The following GFOD1 variants were observed in gnomAD, a reference collection of about 807,000 sequenced individuals.
GFOD1 encodes glucose-fructose oxidoreductase domain-containing protein 1.
GFOD1 carries 9 observed loss-of-function variants against 25.4 expected under a neutral mutation model. The ratio of observed to expected loss-of-function variants is 0.35; its 90% confidence interval spans 0.21 to 0.62. The LOEUF is 0.62. GFOD1 is among the 20% of genes least tolerant of loss of function. The pLI is 0.72. For synonymous variants in GFOD1, 253 were observed against 245.6 expected, an observed-to-expected ratio of 1.03 and a Z score of -0.28; for missense variants, 403 against 556.9, an observed-to-expected ratio of 0.72 and a Z score of 2.78.
At chr6:13,459,601 C>T (rs1439096766) in intron 1 of GFOD1, among the ~76,000 whole-genome samples, 1 of 152,108 alleles carries the variant, frequency 6.6e-6, no homozygotes, top group Non-Finnish European at 1.5e-5. Flanking sequence ...TTTTTGCAAT[C>T]TACCCATCTG....
chr6:13,465,317 ACAG>A (rs1191899846), intron 1 of GFOD1, among the ~76,000 whole-genome samples: 2 of 152,194 alleles, frequency 1.3e-5, no homozygotes, highest in East Asian at 3.8e-4. Flanking sequence ...CATGCATCCC[ACAG>A]GCAGGGGTTG....
intron 1 of GFOD1, among the ~76,000 whole-genome samples, chr6:13,450,508 G>A (rs527371679): frequency 1.3e-5 from 2 of 152,276 alleles, no homozygotes; most frequent in South Asian, 4.1e-4. Flanking sequence ...GCAAAGAGAA[G>A]GTGCATGGGA....
intron 1 of GFOD1, among the ~76,000 whole-genome samples, chr6:13,458,147 T>C (rs111908407): frequency 0.02 from 3,007 of 152,296 alleles, 104 homozygotes; most frequent in African/African-American, 0.065. Flanking sequence ...AGATGGAGTC[T>C]AGCTCTGTTG....
rs1342846871 is a variant in GFOD1, at chr6:13,364,452, G to C, written c.*291C>G. The C allele has an allele frequency of 2.4e-6, 1 of 422,326 alleles. No homozygotes were observed. Among genetic ancestry groups the C allele is most frequent in the Non-Finnish European group, 4.3e-6 (1 of 231,856 alleles). The allele number at this position is 422,326 out of a possible 1,614,324, so 26.2% of individuals were successfully genotyped here. ...CCCCTCCTTGCTTGTCACAGTAAAG[G>C]GCAGCAGAGGCAGCTAAACCAAACC... On this transcript the variant is annotated 3_prime_UTR_variant, in exon 2 of 2. Coordinates refer to ENST00000379287, the MANE Select transcript of GFOD1 (RefSeq NM_018988.4). The surrounding 1 kb of genome is among the most constrained non-coding windows in gnomAD (Gnocchi z 4.1).
At chr6:13,439,898 A>C (rs1052459996) in intron 1 of GFOD1, among the ~76,000 whole-genome samples, 3 of 152,176 alleles carry the variant, frequency 2.0e-5, no homozygotes, top group African/African-American at 4.8e-5. Flanking sequence ...GGGCATCCAG[A>C]GTTTTAAGAA....
At chr6:13,407,935 C>A (rs1785977712) in intron 1 of GFOD1, 2 of 984,740 alleles carry the variant, frequency 2.0e-6, no homozygotes, top group East Asian at 2.3e-4. Flanking sequence ...TCGGAGATTG[C>A]CCAACCAAAG....
rs1785007591 is a variant in GFOD1 at position 13,364,803 on chromosome 6, C to T, written c.1113G>A (p.Leu371=). 1 of 1,613,872 alleles carries T rather than the reference C, an allele frequency of 6.2e-7. No individual in the cohort carries two copies. Among genetic ancestry groups the T allele is most frequent in the African/African-American group, 1.3e-5 (1 of 74,932 alleles). Residue 371 remains leucine, a synonymous_variant, in exon 2 of 2, where the codon CTG becomes CTA. Coordinates refer to ENST00000379287, the MANE Select transcript of GFOD1 (RefSeq NM_018988.4). The surrounding 1 kb of genome is among the most constrained non-coding windows in gnomAD (Gnocchi z 4.1). The part of the protein sequence containing the change: ...NIAIMTEEPE[L]SPAYLISEAM... ...CCTCGCTGATCAGGTAGGCGGGGCTCAGCTCCGGCTCCTCGGTCATGATGG... is the reference window on the plus strand; with the variant it reads ...CCTCGCTGATCAGGTAGGCGGGGCTTAGCTCCGGCTCCTCGGTCATGATGG...
chr6:13,388,903 A>C (rs200454242), intron 1 of GFOD1, among the ~76,000 whole-genome samples: 2 of 152,354 alleles, frequency 1.3e-5, no homozygotes, highest in East Asian at 3.9e-4. Context: ...CAAAGAACTT[A>C]AACAAATTTA....
At chr6:13,470,628 G>A in intron 1 of GFOD1, 1 of 1,469,032 alleles carries the variant, frequency 6.8e-7, no homozygotes, top group Non-Finnish European at 9.0e-7. Context: ...TGATGTCCTG[G>A]TTCTGTTGGA....
intron 1 of GFOD1, among the ~76,000 whole-genome samples, chr6:13,425,339 C>T (rs937096504): frequency 2.6e-5 from 4 of 151,988 alleles, no homozygotes; most frequent in South Asian, 2.1e-4. Flanking sequence ...AAACTGAGAT[C>T]GGAAAGATTA....
chr6:13,481,558 TACACACACAC>T (rs55888360), intron 1 of GFOD1, among the ~76,000 whole-genome samples: 27,411 of 150,636 alleles, frequency 0.18, 2,640 homozygotes, highest in Admixed American at 0.22. Context: ...AGTGATACCT[TACACACACAC>T]ACACACACAC....
intron 1 of GFOD1, among the ~76,000 whole-genome samples, chr6:13,476,921 A>C (rs1045467902): frequency 4.6e-5 from 7 of 152,120 alleles, no homozygotes; most frequent in Admixed American, 3.9e-4. Context: ...GTCGGGGTGA[A>C]GTGTCACTGT....
At chr6:13,373,487 T>C (rs1377114865) in intron 1 of GFOD1, among the ~76,000 whole-genome samples, 2 of 152,098 alleles carry the variant, frequency 1.3e-5, no homozygotes, top group Non-Finnish European at 2.9e-5. Context: ...AAATAATCTG[T>C]GATTCAAGAA....
intron 1 of GFOD1, among the ~76,000 whole-genome samples, chr6:13,468,905 C>T (rs1047783131): frequency 1.3e-5 from 2 of 152,098 alleles, no homozygotes; most frequent in African/African-American, 4.8e-5. Context: ...CATATGGGAG[C>T]CAGGCAGATC....
chr6:13,443,137 G>C (rs755051848), intron 1 of GFOD1, among the ~76,000 whole-genome samples: 1 of 152,204 alleles, frequency 6.6e-6, no homozygotes, highest in African/African-American at 2.4e-5. Context: ...AGTGGGGGAA[G>C]TCACTGCAGA....
rs1334519661 is a variant in GFOD1 at position 13,364,887 on chromosome 6, G to T, written c.1029C>A (p.Ala343=). Residue 343 remains alanine (A), a synonymous_variant, in exon 2 of 2, where the codon GCC becomes GCA. Transcript: ENST00000379287. The surrounding 1 kb of genome is among the most constrained non-coding windows in gnomAD (Gnocchi z 4.1). The part of the protein sequence containing the change: ...MAATFDDCLY[A]LCVVDTIKRS... ...TCTTGATGGTGTCCACCACGCACAA[G>T]GCATACAGGCAGTCGTCGAAGGTGG... 6.2e-7 allele frequency: 1 copy of T among 1,613,912 alleles called. No homozygotes were observed. The highest frequency in any genetic ancestry group is 8.5e-7 in the Non-Finnish European group (1 of 1,180,030).
intron 1 of GFOD1, among the ~76,000 whole-genome samples, chr6:13,450,134 T>C (rs1475607866): frequency 6.6e-6 from 1 of 152,172 alleles, no homozygotes; most frequent in Admixed American, 6.5e-5. Context: ...CCAAGATTTC[T>C]GTGATTTTTT....
chr6:13,413,633 G>C (rs896100708), intron 1 of GFOD1, among the ~76,000 whole-genome samples: 3 of 152,072 alleles, frequency 2.0e-5, no homozygotes, highest in African/African-American at 4.8e-5. Flanking sequence ...GGCCAAGATG[G>C]GAAAAAAAGC....
In GFOD1 at chr6:13,365,552, G is replaced by A; in HGVS notation, c.364C>T (p.Leu122=). ...CGCACGAAAGCCGGCAGGAAGCGCA[G>A]CACGTTGCCCATGATGCTCATGAGC... ...PKLMSIMGNV[L]RFLPAFVRMK... Residue 122 remains leucine, a synonymous_variant, in exon 2 of 2, where the codon CTG becomes TTG. Coordinates refer to ENST00000379287, the MANE Select transcript of GFOD1 (RefSeq NM_018988.4). The surrounding 1 kb of genome is among the most constrained non-coding windows in gnomAD (Gnocchi z 9.2). 1 of 1,611,444 alleles carries A rather than the reference G, an allele frequency of 6.2e-7. No individual in the cohort carries two copies. The highest frequency in any genetic ancestry group is 1.1e-5 in the South Asian group (1 of 91,090).
Sources: gnomAD v4.1 joint callset for allele counts (sites outside exome capture counted in the v4.1 genomes callset) on GRCh38, gnomAD v4.1.1 for gene constraint, Gnocchi (gnomAD v3.1) non-coding constraint, MANE v1.5 for transcripts, NCBI Gene and HGNC (gene_info 2026-07-23, HGNC 2026-07-21) for gene names.